The following ZNF658 variants were observed in gnomAD, a reference collection of about 807,000 sequenced individuals.
ZNF658 encodes zinc finger protein 658.
A neutral mutation model predicts 78.0 loss-of-function variants in ZNF658; 46 were observed. That is an observed-to-expected ratio of 0.59 (90% CI 0.47 to 0.75). The LOEUF (loss-of-function observed/expected upper bound fraction) is 0.75. ZNF658 is among the 30% of genes least tolerant of loss of function. The pLI, the probability that ZNF658 is intolerant of heterozygous loss-of-function variation, is 0.00. For missense variants in ZNF658, 785 were observed against 1,189.3 expected, an observed-to-expected ratio of 0.66 and a Z score of 5.00; for synonymous variants, 279 against 408.4, an observed-to-expected ratio of 0.68 and a Z score of 3.82.
chr9:66,915,399 A>G (rs1246554158), intron 4 of ZNF658, among the ~76,000 whole-genome samples: 8 of 69,544 alleles, frequency 1.2e-4, no homozygotes, highest in African/African-American at 4.3e-4. Flanking sequence ...TTTATAGTTA[A>G]AAAAAAAAAA....
intron 1 of ZNF658, chr9:66,902,768 C>T: frequency 6.6e-6 from 1 of 152,340 alleles, no homozygotes; most frequent in East Asian, 1.9e-4. Flanking sequence ...TTGCATAAAA[C>T]ATCCCATCTT....
downstream of ZNF658, among the ~76,000 whole-genome samples, chr9:66,925,742 G>A (rs1487274579): frequency 5.9e-5 from 9 of 152,012 alleles, no homozygotes; most frequent in African/African-American, 1.7e-4. Context: ...CTCATTTCAC[G>A]AGGCCAGCAT....
In ZNF658 at chr9:66,918,568, T is replaced by G; in HGVS notation, c.1002T>G (p.Phe334Leu). 6.2e-7 allele frequency: 1 copy of G among 1,608,120 alleles called. No homozygotes were observed. The highest frequency in any genetic ancestry group is 1.3e-5 in the African/African-American group (1 of 74,634). Residue 334 changes from phenylalanine to leucine, a missense_variant, in exon 5 of 5, where the codon TTT becomes TTG. Transcript: ENST00000621410. ...AAAGCAATAAATGTGAAGAAAATTT[T>G]AGCCAGAGCTCAGCCCATATAGTAC... ...AFESNKCEENFSQSSAHIVHQ... is the reference protein window; with the variant it reads ...AFESNKCEENLSQSSAHIVHQ...
In ZNF658 at chr9:66,918,348, T is replaced by A. The variant is rs1383783569; in HGVS notation, c.782T>A (p.Met261Lys). 3 of 1,612,580 alleles carry A rather than the reference T, an allele frequency of 1.9e-6. No homozygotes were observed. The highest frequency in any genetic ancestry group is 2.5e-6 in the Non-Finnish European group (3 of 1,178,724). ...GATAAAATCACTTTATTTAACCACA[T>A]GAGAACTGACACAAGGGGGAAATGC... is the stretch of plus-strand genomic sequence containing the variant. ...NFDKITLFNH[M>K]RTDTRGKCSD... Residue 261 changes from methionine (M) to lysine (K), a missense_variant, in exon 5 of 5, where the codon ATG (methionine) becomes AAG (lysine). Met to Lys is a moderately conservative substitution (Grantham distance 95). Coordinates refer to ENST00000621410, the MANE Select transcript of ZNF658 (RefSeq NM_033160.7).
At position 66,919,528 on chromosome 9, in the gene ZNF658, G is replaced by C. The variant is rs138850783; in HGVS notation, c.1962G>C (p.Gly654=). Reference sequence around the variant, plus strand: ...AGGCACATCAAAGAATTCACACAGGGGAGAAACCCTATGAATGTAATGAAT... The same window carrying C: ...AGGCACATCAAAGAATTCACACAGGCGAGAAACCCTATGAATGTAATGAAT... ...VLKAHQRIHT[G]EKPYECNECG... The change falls in exon 5 of 5, where the codon GGG becomes GGC. Residue 654 remains glycine, a synonymous_variant. Coordinates refer to ENST00000621410, the MANE Select transcript of ZNF658 (RefSeq NM_033160.7). The C allele has an allele frequency of 7.0e-4, 1,124 of 1,612,768 alleles. 7 individuals carry two copies. Among genetic ancestry groups the C allele is most frequent in the Admixed American group, 1.8e-3 (108 of 59,958 alleles).
rs1297371222 is a variant in ZNF658, at chr9:66,914,838, G to A, written c.239-2967G>A. Among the ~76,000 whole-genome samples the A allele has an allele frequency of 7.2e-5, 11 of 152,148 alleles. 1 individual carries two copies. In the South Asian group the frequency reaches 1.0e-3, roughly 14 times the overall value. On this transcript the variant is annotated intron_variant, in intron 4 of 4. Coordinates refer to ENST00000621410, the MANE Select transcript of ZNF658 (RefSeq NM_033160.7). ...CTTTTTGGGACATTTTTGCATTTAT[G>A]TTATGGGAGATATTGGTCTGAAAGC...
intron 2 of ZNF658, among the ~76,000 whole-genome samples, chr9:66,905,195 C>G (rs1822052136): frequency 6.8e-6 from 1 of 148,050 alleles, no homozygotes; most frequent in African/African-American, 2.5e-5. Flanking sequence ...TGTGCCTCAG[C>G]CTCCTAAGTA....
chr9:66,931,542 G>A (rs1343600331), intron 6 of ZNF658, among the ~76,000 whole-genome samples: 6 of 151,438 alleles, frequency 4.0e-5, no homozygotes, highest in Non-Finnish European at 8.8e-5. Context: ...CTGAATGTGC[G>A]ATTTATCATA....
intron 4 of ZNF658, among the ~76,000 whole-genome samples, chr9:66,910,701 C>T (rs1001717225): frequency 6.6e-5 from 10 of 151,336 alleles, no homozygotes; most frequent in Non-Finnish European, 1.3e-4. Flanking sequence ...GAGGCTGAGG[C>T]AGGAGAATGG....
downstream of ZNF658, among the ~76,000 whole-genome samples, chr9:66,922,377 G>A (rs1822541713): frequency 6.6e-6 from 1 of 151,782 alleles, no homozygotes; most frequent in Non-Finnish European, 1.5e-5. Flanking sequence ...CCAGTGAGAT[G>A]AACCTGGTAC....
At chr9:66,910,252 G>A (rs1822183214) in intron 4 of ZNF658, among the ~76,000 whole-genome samples, 1 of 152,150 alleles carries the variant, frequency 6.6e-6, no homozygotes, top group Non-Finnish European at 1.5e-5. Flanking sequence ...ATTAGGCTTT[G>A]TACGAATAAA....
Position 66,920,306 on chromosome 9 carries a change from G to T in ZNF658, c.2740G>T (p.Glu914Ter). 1 of 1,613,838 alleles carries T rather than the reference G, an allele frequency of 6.2e-7. No individual in the cohort carries two copies. Among genetic ancestry groups the T allele is most frequent in the Non-Finnish European group, 8.5e-7 (1 of 1,179,908 alleles). ...AGGGGAGAAACCCTATGAATGCAGTGAATGTGGGAAAACCTTCTCTGAGAA... is the reference window on the plus strand; with the variant it reads ...AGGGGAGAAACCCTATGAATGCAGTTAATGTGGGAAAACCTTCTCTGAGAA... ...RSGEKPYECS[E>*]CGKTFSEKSY... is the part of the protein sequence containing the mutation. Residue 914 changes from glutamate (E) to a stop codon, truncating the protein, a stop_gained, in exon 5 of 5, where the codon GAA (glutamate) becomes TAA (stop). Transcript: ENST00000621410. LOFTEE classifies it high-confidence loss of function.
intron 4 of ZNF658, among the ~76,000 whole-genome samples, chr9:66,915,053 GCACACACACACACACA>G (rs10608839): frequency 3.5e-5 from 5 of 143,986 alleles, no homozygotes; most frequent in African/African-American, 7.9e-5. Flanking sequence ...CTTTGGAATT[GCACACACACACACACA>G]CACACACACA....
Position 66,908,655 on chromosome 9 carries a change from A to T in ZNF658, c.159A>T (p.Lys53Asn), listed in dbSNP as rs770077202. Residue 53 changes from lysine (K) to asparagine (N), a missense_variant, in exon 4 of 5, where the codon AAA becomes AAT. By Grantham distance (94) the Lys-to-Asn change is moderately conservative. This residue lies in a region of ZNF658 where 79 missense variants were observed against 96.5 expected (regional missense o/e 0.82). Transcript: ENST00000621410. ...HLISVGYCITKPKVISKLEKG... is the reference protein window; with the variant it reads ...HLISVGYCITNPKVISKLEKG... ...TGTTTACAGGATATTGCATTACTAA[A>T]CCTAAGGTGATCTCCAAGTTGGAGA... 8 of 1,511,850 alleles carry T rather than the reference A, an allele frequency of 5.3e-6. No homozygotes were observed. The East Asian group carries it at 1.8e-4, about 34-fold the overall frequency. 93.7% of individuals were successfully genotyped at this position (1,511,850 alleles called of 1,614,324 possible).
downstream of ZNF658, among the ~76,000 whole-genome samples, chr9:66,922,149 C>T (rs1822536952): frequency 7.3e-6 from 1 of 136,310 alleles, no homozygotes; most frequent in East Asian, 2.2e-4. Flanking sequence ...ACCCTCCAAG[C>T]CAGGCACAGG....
chr9:66,926,311 G>A (rs1822585420), downstream of ZNF658, among the ~76,000 whole-genome samples: 1 of 143,936 alleles, frequency 6.9e-6, no homozygotes, highest in South Asian at 2.3e-4. Flanking sequence ...GTTTAAACAT[G>A]ATCTAATATA....
At chr9:66,908,942 T>C (rs1587358325) in intron 4 of ZNF658, among the ~76,000 whole-genome samples, 1 of 152,338 alleles carries the variant, frequency 6.6e-6, no homozygotes, top group Non-Finnish European at 1.5e-5. Context: ...TCAACATGTA[T>C]AGACATTTTT....
chr9:66,922,351 C>T (rs1015314957), downstream of ZNF658, among the ~76,000 whole-genome samples: 9 of 152,148 alleles, frequency 5.9e-5, no homozygotes, highest in African/African-American at 2.2e-4. Context: ...GGGCTGCACC[C>T]ACTGTCCAAC....
chr9:66,925,324 C>G (rs1209405818), downstream of ZNF658, among the ~76,000 whole-genome samples: 2 of 151,712 alleles, frequency 1.3e-5, no homozygotes, highest in African/African-American at 4.8e-5. Context: ...GGGGCTTATC[C>G]TAAGAATGTG....
Sources: gnomAD v4.1 joint callset for allele counts (sites outside exome capture counted in the v4.1 genomes callset) on GRCh38, gnomAD v4.1.1 for gene constraint, gnomAD v4.1.1 regional missense constraint, MANE v1.5 for transcripts, NCBI Gene and HGNC (gene_info 2026-07-23, HGNC 2026-07-21) for gene names.